MGMT: variants seen among roughly 807,000 people sequenced by gnomAD.
MGMT encodes the protein O-6-methylguanine-DNA methyltransferase.
A neutral mutation model predicts 15.9 loss-of-function variants in MGMT; 14 were observed. The ratio of observed to expected loss-of-function variants is 0.88; its 90% confidence interval spans 0.58 to 1.37. The LOEUF is 1.37. Among genes scored for constraint, MGMT ranks in the 40% most tolerant of loss-of-function variants. The probability of loss-of-function intolerance (pLI) is 0.00; values close to 1 mark genes in which losing one functional copy is unlikely to be tolerated. For missense variants in MGMT, 282 were observed against 268.1 expected, an observed-to-expected ratio of 1.05 and a Z score of -0.36; for synonymous variants, 130 against 118.2, an observed-to-expected ratio of 1.10 and a Z score of -0.65.
chr10:129,536,535 C>A, intron 2 of MGMT, 158 bp downstream of exon 2: 1 of 857,640 alleles, frequency 1.2e-6, no homozygotes, highest in Non-Finnish European at 1.7e-6. Context: ...TGTGCTGCGA[C>A]GGCTCCTGCA....
intron 1 of MGMT, among the ~76,000 whole-genome samples, chr10:129,475,349 TGGG>T (rs939011662): frequency 1.3e-5 from 2 of 151,942 alleles, no homozygotes; most frequent in African/African-American, 4.8e-5. Context: ...GTCTGGGTGA[TGGG>T]GGATCAGATG....
chr10:129,678,279 T>C (rs951783510), intron 2 of MGMT, among the ~76,000 whole-genome samples: 1 of 126,092 alleles, frequency 7.9e-6, no homozygotes, highest in African/African-American at 2.5e-5. Flanking sequence ...CCTTTGTTTC[T>C]GCACTTTCAG....
chr10:129,767,176 A>T lies in MGMT; in HGVS notation c.*179A>T, dbSNP rs1026345993. On this transcript the variant is annotated 3_prime_UTR_variant, in exon 5 of 5. Transcript: ENST00000651593. ...TTCAGACGCCCGCGGTCCTGCACACATTTGTTTCCTTCTCTAACGCTGCCC... is the reference window on the plus strand; with the variant it reads ...TTCAGACGCCCGCGGTCCTGCACACTTTTGTTTCCTTCTCTAACGCTGCCC... 5.5e-5 allele frequency: 30 copies of T among 548,888 alleles called. No homozygotes were observed. In the African/African-American group the frequency reaches 5.8e-4, roughly 11 times the overall value. The allele number at this position is 548,888 out of a possible 1,614,324, so 34.0% of individuals were successfully genotyped here. A position where few individuals can be genotyped will look rare whatever the true frequency, so the allele number is the denominator to read the frequency against.
intron 2 of MGMT, among the ~76,000 whole-genome samples, chr10:129,604,674 A>G (rs140632119): frequency 0.024 from 3,594 of 151,694 alleles, 71 homozygotes; most frequent in South Asian, 0.059. Flanking sequence ...TGGGGGCTGC[A>G]GTGGTTCACT....
At chr10:129,586,442 T>C (rs897704772) in intron 2 of MGMT, among the ~76,000 whole-genome samples, 7 of 152,236 alleles carry the variant, frequency 4.6e-5, no homozygotes, top group Non-Finnish European at 8.8e-5. Context: ...TATATACATA[T>C]ATATTGTATT....
At chr10:129,581,132 A>T (rs148237059) in intron 2 of MGMT, among the ~76,000 whole-genome samples, 86 of 152,354 alleles carry the variant, frequency 5.6e-4, no homozygotes, top group African/African-American at 2.0e-3. Context: ...TTAACGGTGC[A>T]GCTGCAGTGT....
intron 1 of MGMT, among the ~76,000 whole-genome samples, chr10:129,488,002 T>TACACACACACAC (rs1491199847): frequency 1.3e-5 from 1 of 75,786 alleles, no homozygotes; most frequent in Non-Finnish European, 2.9e-5. Flanking sequence ...CACACATAGG[T>TACACACACACAC]ATACACACAC....
chr10:129,620,636 G>C (rs1847080925), intron 2 of MGMT, among the ~76,000 whole-genome samples: 1 of 152,050 alleles, frequency 6.6e-6, no homozygotes, highest in African/African-American at 2.4e-5. Flanking sequence ...TATTAATATT[G>C]CTAGCTTTCT....
At chr10:129,643,010 TG>T (rs761013574) in intron 2 of MGMT, among the ~76,000 whole-genome samples, 26 of 152,168 alleles carry the variant, frequency 1.7e-4, no homozygotes, top group Non-Finnish European at 3.5e-4. Flanking sequence ...TAGAGAAGGC[TG>T]GGCGAGCGAA....
chr10:129,609,784 A>T (rs1846937896), intron 2 of MGMT, among the ~76,000 whole-genome samples: 1 of 151,978 alleles, frequency 6.6e-6, no homozygotes, highest in Non-Finnish European at 1.5e-5. Flanking sequence ...CAGGAGGAGG[A>T]ATGGTGCAGA....
intron 2 of MGMT, among the ~76,000 whole-genome samples, chr10:129,586,877 CT>C (rs1846624456): frequency 6.6e-6 from 1 of 152,190 alleles, no homozygotes; most frequent in South Asian, 2.1e-4. Flanking sequence ...CATATAGTCT[CT>C]GATTTCATAT....
intron 1 of MGMT, among the ~76,000 whole-genome samples, chr10:129,525,746 A>G (rs1845862525): frequency 6.6e-6 from 1 of 152,218 alleles, no homozygotes; most frequent in Admixed American, 6.5e-5. Flanking sequence ...GGCTTCAGAT[A>G]GAAACCTTCT....
intron 2 of MGMT, among the ~76,000 whole-genome samples, chr10:129,623,608 C>G (rs976499555): frequency 6.6e-6 from 1 of 152,088 alleles, no homozygotes; most frequent in African/African-American, 2.4e-5. Context: ...GTGGTGCAAT[C>G]ATAGCTTGCT....
intron 2 of MGMT, among the ~76,000 whole-genome samples, chr10:129,654,018 G>T (rs10829611): frequency 0.24 from 37,157 of 151,920 alleles, 4,782 homozygotes; most frequent in Non-Finnish European, 0.26. Context: ...TGACAAGACT[G>T]CGGCCTGTGC....
At chr10:129,633,374 G>C (rs1847232573) in intron 2 of MGMT, among the ~76,000 whole-genome samples, 1 of 152,154 alleles carries the variant, frequency 6.6e-6, no homozygotes, top group Non-Finnish European at 1.5e-5. Context: ...CTTCCGTTAA[G>C]TGAAAAAGCA....
intron 1 of MGMT, among the ~76,000 whole-genome samples, chr10:129,515,267 G>C (rs373972752): frequency 6.6e-6 from 1 of 152,224 alleles, no homozygotes; most frequent in African/African-American, 2.4e-5. Context: ...CCAAGGCCCC[G>C]TCAGGAGCAG....
Position 129,678,531 on chromosome 10 carries a change from C to T in MGMT, c.126-29364C>T, listed in dbSNP as rs188063482. Reference sequence around the variant, plus strand: ...CATCACCTCCAGTTACCTCAGGCAGCAGGAAAGACTTTTAACCTACTAAAC... The same window carrying T: ...CATCACCTCCAGTTACCTCAGGCAGTAGGAAAGACTTTTAACCTACTAAAC... On this transcript the variant is annotated intron_variant, in intron 2 of 4. Transcript: ENST00000651593. Among the ~76,000 whole-genome samples the T allele has an allele frequency of 2.0e-4, 30 of 152,272 alleles. 1 individual carries two copies. The highest frequency in any genetic ancestry group is 1.8e-3 in the Admixed American group (27 of 15,300).
intron 2 of MGMT, among the ~76,000 whole-genome samples, chr10:129,705,117 C>T (rs577648947): frequency 1.2e-4 from 18 of 152,334 alleles, no homozygotes; most frequent in East Asian, 9.7e-4. Flanking sequence ...GGTGTCACCA[C>T]GCACTGTAGA....
In MGMT at chr10:129,707,949, G is replaced by A; in HGVS notation, c.180G>A (p.Met60Ile). 6.2e-7 allele frequency: 1 copy of A among 1,613,190 alleles called. No homozygotes were observed. The highest frequency in any genetic ancestry group is 1.7e-5 in the Admixed American group (1 of 60,018). ...AAVLGGPEPL[M>I]QCTAWLNAYF... ...TTCTCGGAGGTCCGGAGCCCCTGAT[G>A]CAGTGCACAGCCTGGCTGAATGCCT... The change falls in exon 3 of 5, where the codon ATG becomes ATA. Residue 60 changes from methionine (M) to isoleucine (I), a missense_variant. Transcript: ENST00000651593.
Sources: allele counts gnomAD v4.1 joint callset (sites outside exome capture counted in the v4.1 genomes callset), GRCh38; gene constraint gnomAD v4.1.1; transcripts MANE v1.5; gene names NCBI Gene and HGNC (gene_info 2026-07-23, HGNC 2026-07-21).